NBEA: variants seen among roughly 807,000 people sequenced by gnomAD.
NBEA encodes the protein lysosomal-trafficking regulator 2.
Under a neutral mutation model 343.4 loss-of-function variants are expected in NBEA, and 44 were observed. That is an observed-to-expected ratio of 0.13 (90% confidence interval 0.10 to 0.16). The LOEUF is 0.16. Among genes scored for constraint, NBEA ranks in the 10% least tolerant of loss-of-function variants. NBEA has a pLI of 1.00. For synonymous variants in NBEA, 1,175 were observed against 1,238.7 expected, an observed-to-expected ratio of 0.95 and a Z score of 1.08; for missense variants, 2,555 against 3,631.3, an observed-to-expected ratio of 0.70 and a Z score of 7.62.
intron 1 of NBEA, among the ~76,000 whole-genome samples, chr13:34,976,150 A>G (rs530053143): frequency 4.6e-5 from 7 of 152,352 alleles, no homozygotes; most frequent in East Asian, 1.9e-4. Flanking sequence ...GCAATTTGCA[A>G]TTGCAAAAAT....
intron 28 of NBEA, among the ~76,000 whole-genome samples, chr13:35,182,035 T>G (rs893127317): frequency 2.6e-5 from 4 of 151,660 alleles, no homozygotes; most frequent in Non-Finnish European, 4.4e-5. Flanking sequence ...TTTTCAACTT[T>G]GTGCCATCTA....
At chr13:35,547,502 A>G (rs888595587) in intron 41 of NBEA, among the ~76,000 whole-genome samples, 1 of 152,180 alleles carries the variant, frequency 6.6e-6, no homozygotes, top group Non-Finnish European at 1.5e-5. Flanking sequence ...TCAGAGTGCA[A>G]TTTAGATAGG....
In NBEA at chr13:35,476,433, C is replaced by T. The variant is rs878900563; in HGVS notation, c.6585+3897C>T. The T allele has an allele frequency of 1.3e-5, 12 of 946,626 alleles. No individual in the cohort carries two copies. In the South Asian group the frequency reaches 1.4e-4, roughly 11 times the overall value. The allele number at this position is 946,626 out of a possible 1,614,324, so 58.6% of individuals were successfully genotyped here. A position where few individuals can be genotyped will look rare whatever the true frequency, so the allele number is the denominator to read the frequency against. On this transcript the variant is annotated intron_variant, in intron 41 of 58. Transcript: ENST00000379939. ...CTCCCCCCTCTGCTTGTCTCTCTTC[C>T]TCTTTTAAAGAATCCTTGTGTGAGA...
At position 35,171,295 on chromosome 13, in the gene NBEA, G is replaced by A. The variant is rs1421841716; in HGVS notation, c.4266G>A (p.Val1422=). Residue 1422 remains valine, a synonymous_variant, in exon 26 of 59, where the codon GTG becomes GTA. Coordinates refer to ENST00000379939, the MANE Select transcript of NBEA (RefSeq NM_001385012.1). ...GSKTELENIE[V]TQGMSAETAV... is the part of the protein sequence containing the mutation. ...AGACGGAATTGGAAAATATTGAAGTGACACAAGGCATGTCAGCTGAGACAG... is the reference window on the plus strand; with the variant it reads ...AGACGGAATTGGAAAATATTGAAGTAACACAAGGCATGTCAGCTGAGACAG... 8 of 1,611,288 alleles carry A rather than the reference G, an allele frequency of 5.0e-6. No homozygotes were observed. The highest frequency in any genetic ancestry group is 6.8e-6 in the Non-Finnish European group (8 of 1,178,238).
chr13:35,003,666 G>A (rs1250809729), intron 1 of NBEA, among the ~76,000 whole-genome samples: 1 of 152,136 alleles, frequency 6.6e-6, no homozygotes, highest in Non-Finnish European at 1.5e-5. Context: ...ATGTTCCCAT[G>A]TAGTTTGGGA....
At chr13:35,176,537 T>G (rs2152726412) in intron 27 of NBEA, among the ~76,000 whole-genome samples, 1 of 152,168 alleles carries the variant, frequency 6.6e-6, no homozygotes, top group East Asian at 1.9e-4. Flanking sequence ...TGTGACTGAT[T>G]CTTTTTAATC....
At chr13:35,616,346 A>G (rs1371760428) in intron 48 of NBEA, among the ~76,000 whole-genome samples, 1 of 152,186 alleles carries the variant, frequency 6.6e-6, no homozygotes, top group Non-Finnish European at 1.5e-5. Context: ...CCAATCACCA[A>G]ATTATAAAGA....
intron 38 of NBEA, among the ~76,000 whole-genome samples, chr13:35,402,134 A>T (rs1198788478): frequency 6.6e-6 from 1 of 152,038 alleles, no homozygotes; most frequent in Non-Finnish European, 1.5e-5. Context: ...AAAATATTTC[A>T]GACATTTTAA....
chr13:35,208,798 C>T lies in NBEA; in HGVS notation c.5465C>T (p.Thr1822Ile). The T allele has an allele frequency of 6.2e-7, 1 of 1,609,324 alleles. No individual in the cohort carries two copies. Among genetic ancestry groups the T allele is most frequent in the Non-Finnish European group, 8.5e-7 (1 of 1,177,206 alleles). Reference sequence around the variant, plus strand: ...GGAAGTGGGCTGCCAACAGGCAGTACCTCTAATATATTTGCTGCTACTGGA... The same window carrying T: ...GGAAGTGGGCTGCCAACAGGCAGTATCTCTAATATATTTGCTGCTACTGGA... ...TAGSGLPTGSTSNIFAATGAT... is the reference protein window; with the variant it reads ...TAGSGLPTGSISNIFAATGAT... The change falls in exon 32 of 59, where the codon ACC (threonine) becomes ATC (isoleucine). Residue 1822 changes from threonine (T) to isoleucine (I), a missense_variant. By Grantham distance (89) the Thr-to-Ile change is moderately conservative. Coordinates refer to ENST00000379939, the MANE Select transcript of NBEA (RefSeq NM_001385012.1).
intron 1 of NBEA, among the ~76,000 whole-genome samples, chr13:35,030,031 A>G (rs543800306): frequency 6.6e-6 from 1 of 151,818 alleles, no homozygotes; most frequent in South Asian, 2.1e-4. Flanking sequence ...AGATGCATTC[A>G]GATTTGTAGG....
At chr13:35,662,152 G>A (rs749122458) in intron 55 of NBEA, among the ~76,000 whole-genome samples, 3 of 152,180 alleles carry the variant, frequency 2.0e-5, no homozygotes, top group Admixed American at 1.3e-4. Context: ...TGAGAATATT[G>A]AAATGACCTT....
intron 49 of NBEA, among the ~76,000 whole-genome samples, chr13:35,636,423 C>T (rs946552435): frequency 2.0e-5 from 3 of 152,128 alleles, no homozygotes; most frequent in African/African-American, 7.2e-5. Flanking sequence ...CTTTAGTATA[C>T]TAAAAGTATA....
chr13:35,663,520 T>C (rs1311178944), intron 55 of NBEA, among the ~76,000 whole-genome samples: 4 of 152,210 alleles, frequency 2.6e-5, no homozygotes, highest in Non-Finnish European at 5.9e-5. Flanking sequence ...CATTATTTGT[T>C]GGACACTTAG....
chr13:35,232,635 T>G lies in NBEA; in HGVS notation c.5776+16T>G. ...TTGATAGAAGGTATGATTTCTCTATTATAATTATTTTAGTTTCCTATAATG... is the reference window on the plus strand; with the variant it reads ...TTGATAGAAGGTATGATTTCTCTATGATAATTATTTTAGTTTCCTATAATG... On this transcript the variant is annotated intron_variant, in intron 34 of 58. Coordinates refer to ENST00000379939, the MANE Select transcript of NBEA (RefSeq NM_001385012.1). The G allele has an allele frequency of 6.9e-7, 1 of 1,452,232 alleles. No individual in the cohort carries two copies. The highest frequency in any genetic ancestry group is 2.5e-5 in the East Asian group (1 of 39,472). 90.0% of individuals were successfully genotyped at this position (1,452,232 alleles called of 1,614,324 possible). A position where few individuals can be genotyped will look rare whatever the true frequency, so the allele number is the denominator to read the frequency against.
chr13:35,667,114 A>G (rs551895726), intron 56 of NBEA, among the ~76,000 whole-genome samples: 9 of 152,322 alleles, frequency 5.9e-5, no homozygotes, highest in African/African-American at 1.9e-4. Context: ...CCATTTTACT[A>G]TGAATATTAC....
chr13:35,664,513 C>T (rs1164277639), intron 55 of NBEA, among the ~76,000 whole-genome samples: 1 of 152,222 alleles, frequency 6.6e-6, no homozygotes, highest in African/African-American at 2.4e-5. Flanking sequence ...TTACAAAAGG[C>T]ATAACATTCT....
rs935157547 is a variant in NBEA, at chr13:35,454,467, A to G, written c.6448+2232A>G. On this transcript the variant is annotated intron_variant, in intron 40 of 58. Coordinates refer to ENST00000379939, the MANE Select transcript of NBEA (RefSeq NM_001385012.1). ...CTGTTGCAGAAATTAAAATTTGTTT[A>G]ATAATAATGTCTGTCTTACTCATAA... Among the ~76,000 whole-genome samples, 5 of 152,180 alleles carry G rather than the reference A, an allele frequency of 3.3e-5. No homozygotes were observed. The South Asian group carries it at 1.0e-3, about 32-fold the overall frequency.
At chr13:35,107,018 G>T (rs764886699) in intron 11 of NBEA, among the ~76,000 whole-genome samples, 2 of 151,726 alleles carry the variant, frequency 1.3e-5, no homozygotes, top group Non-Finnish European at 2.9e-5. Context: ...CTATTTTAGA[G>T]TTTTAAGTGT....
intron 48 of NBEA, among the ~76,000 whole-genome samples, chr13:35,616,886 A>G: frequency 6.6e-6 from 1 of 152,204 alleles, no homozygotes; most frequent in East Asian, 1.9e-4. Flanking sequence ...AGCAGACTTT[A>G]TTCAAAGTGT....
Sources: allele counts gnomAD v4.1 joint callset (sites outside exome capture counted in the v4.1 genomes callset), GRCh38; gene constraint gnomAD v4.1.1; transcripts MANE v1.5; gene names NCBI Gene and HGNC (gene_info 2026-07-23, HGNC 2026-07-21).